Variants in RHOD observed in about 807,000 individuals in gnomAD.
RHOD encodes rho-related GTP-binding protein RhoD.
RHOD carries 11 observed loss-of-function variants against 16.7 expected under a neutral mutation model. The ratio of observed to expected loss-of-function variants is 0.66; its 90% CI spans 0.41 to 1.09. The LOEUF is 1.09. Ranked by LOEUF, RHOD falls within the 50% of genes least tolerant of loss-of-function variation. The pLI, the probability that RHOD is intolerant of heterozygous loss-of-function variation, is 0.00. For synonymous variants in RHOD, 124 were observed against 126.3 expected (o/e 0.98, Z 0.12); for missense variants, 271 against 291.7 (o/e 0.93, Z 0.52).
intron 2 of RHOD, 130 bp from the exon 3 acceptor site, chr11:67,066,608 A>C: frequency 2.8e-6 from 2 of 709,178 alleles, no homozygotes; most frequent in Non-Finnish European, 5.0e-6. Context: ...AATTTGTGCC[A>C]AACTCTGAGG....
rs199652411 is a variant in RHOD, at chr11:67,061,840, G to GTATA, written c.133-4055_133-4054insATAT. On this transcript the variant is annotated intron_variant, in intron 1 of 4. Transcript: ENST00000308831. The stretch of plus-strand genomic sequence containing the variant: ...TATATATGTGTGTGTGTGTGTGTGT[G>GTATA]TGTGTATATATATATTAGCCAGGCG... Among the ~76,000 whole-genome samples, 22 of 141,870 alleles carry GTATA rather than the reference G, an allele frequency of 1.6e-4. No homozygotes were observed. The Admixed American group carries it at 1.6e-3, about 11-fold the overall frequency. 93.1% of individuals were successfully genotyped at this position (141,870 alleles called of 152,430 possible).
chr11:67,064,363 C>G (rs1000605759), intron 1 of RHOD, among the ~76,000 whole-genome samples: 5 of 150,070 alleles, frequency 3.3e-5, no homozygotes, highest in African/African-American at 1.2e-4. Flanking sequence ...CCAGATCACG[C>G]CATTGCACTG....
chr11:67,057,154 C>G (rs1212808261), intron 1 of RHOD, 120 bp downstream of exon 1: 3 of 1,224,364 alleles, frequency 2.5e-6, no homozygotes, highest in Non-Finnish European at 3.2e-6. Flanking sequence ...CCCAGCGGGG[C>G]CTGGGGTCCA....
chr11:67,058,531 G>A (rs1219418348), intron 1 of RHOD, among the ~76,000 whole-genome samples: 1 of 151,894 alleles, frequency 6.6e-6, no homozygotes, highest in Non-Finnish European at 1.5e-5. Context: ...GGCTGGTCTC[G>A]AACTCCTGGC....
At chr11:67,058,204 T>A (rs1854842365) in intron 1 of RHOD, among the ~76,000 whole-genome samples, 1 of 151,920 alleles carries the variant, frequency 6.6e-6, no homozygotes, top group African/African-American at 2.4e-5. Context: ...TGAGACGGAG[T>A]CTCGCTCTGT....
Position 67,065,902 on chromosome 11 carries a change from A to G in RHOD, c.139A>G (p.Thr47Ala). 6.6e-7 allele frequency: 1 copy of G among 1,522,318 alleles called. No homozygotes were observed. The highest frequency in any genetic ancestry group is 1.1e-5 in the South Asian group (1 of 89,926). 94.3% of individuals were successfully genotyped at this position (1,522,318 alleles called of 1,614,324 possible). The change falls in exon 2 of 5, where the codon ACC becomes GCC. Residue 47 changes from threonine to alanine, a missense_variant. Thr to Ala is a moderately conservative substitution (Grantham distance 58). Coordinates refer to ENST00000308831, the MANE Select transcript of RHOD (RefSeq NM_014578.4). ...FADGAFPESYTPTVFERYMVN... is the reference protein window; with the variant it reads ...FADGAFPESYAPTVFERYMVN... ...CCGCCCTGCTTCTCCTCAGAGCTAC[A>G]CCCCCACGGTGTTTGAGCGGTACAT...
At chr11:67,068,981 GTTTT>G (rs917001248) in intron 3 of RHOD, among the ~76,000 whole-genome samples, 3 of 151,698 alleles carry the variant, frequency 2.0e-5, no homozygotes, top group African/African-American at 7.3e-5. Flanking sequence ...TTGTTTGTTT[GTTTT>G]GAGACAGAGT....
rs538271403 is a variant in RHOD, at chr11:67,071,398, C to T, written c.466-37C>T. On this transcript the variant is annotated intron_variant, in intron 4 of 4. Transcript: ENST00000308831. ...GCGAGAACGTGAGGCCTGCCCAGTG[C>T]CCCCTTCACCGCAGCCCCATCCACC... The T allele has an allele frequency of 2.6e-6, 4 of 1,539,830 alleles. No homozygotes were observed. The South Asian group carries it at 3.6e-5, about 14-fold the overall frequency.
rs1245182178 is a variant in RHOD at position 67,065,956 on chromosome 11, G to A, written c.193G>A (p.Val65Met). 1 of 1,613,360 alleles carries A rather than the reference G, an allele frequency of 6.2e-7. No homozygotes were observed. The highest frequency in any genetic ancestry group is 1.1e-5 in the South Asian group (1 of 91,072). The stretch of plus-strand genomic sequence containing the variant: ...CAACCTGCAAGTGAAAGGCAAACCT[G>A]TGCACCTCCACATCTGGGACACAGC... ...MVNLQVKGKP[V>M]HLHIWDTAGQ... Residue 65 changes from valine (V) to methionine (M), a missense_variant, in exon 2 of 5, where the codon GTG becomes ATG. Physicochemically the swap from Val to Met is conservative, Grantham distance 21. Coordinates refer to ENST00000308831, the MANE Select transcript of RHOD (RefSeq NM_014578.4).
At position 67,071,627 on chromosome 11, in the gene RHOD, C is replaced by T. The variant is rs376469303; in HGVS notation, c.*25C>T. The T allele has an allele frequency of 3.2e-6, 5 of 1,565,816 alleles. No individual in the cohort carries two copies. The highest frequency in any genetic ancestry group is 1.8e-5 in the Admixed American group (1 of 54,754). On this transcript the variant is annotated 3_prime_UTR_variant, in exon 5 of 5. Coordinates refer to ENST00000308831, the MANE Select transcript of RHOD (RefSeq NM_014578.4). Reference sequence around the variant, plus strand: ...AGCGGCTCGGGGCGTCCCAGCGACGCGGGAAGGGGCAGGGCGCTGACCTGC... The same window carrying T: ...AGCGGCTCGGGGCGTCCCAGCGACGTGGGAAGGGGCAGGGCGCTGACCTGC...
At chr11:67,071,086 T>A (rs936312842) in intron 4 of RHOD, among the ~76,000 whole-genome samples, 7 of 151,762 alleles carry the variant, frequency 4.6e-5, no homozygotes, top group African/African-American at 1.7e-4. Context: ...TACAAAAAAT[T>A]AGCCAAGTGG....
intron 3 of RHOD, among the ~76,000 whole-genome samples, chr11:67,068,008 C>T (rs1854980019): frequency 6.6e-6 from 1 of 152,010 alleles, no homozygotes; most frequent in Non-Finnish European, 1.5e-5. Flanking sequence ...ACCATGTTAG[C>T]CAGGATGGTC....
chr11:67,066,603 G>A (rs1390731755), intron 2 of RHOD, 135 bp from the exon 3 acceptor site: 1 of 688,764 alleles, frequency 1.5e-6, no homozygotes, highest in Non-Finnish European at 2.6e-6. Flanking sequence ...AGCCAAATTT[G>A]TGCCAAACTC....
Position 67,065,967 on chromosome 11 carries a change from C to A in RHOD, c.204C>A (p.His68Gln), listed in dbSNP as rs778562327. 2.1e-6 allele frequency: 3 copies of A among 1,445,990 alleles called. No homozygotes were observed. The highest frequency in any genetic ancestry group is 2.8e-6 in the Non-Finnish European group (3 of 1,055,434). The allele number at this position is 1,445,990 out of a possible 1,614,324, so 89.6% of individuals were successfully genotyped here. A position where few individuals can be genotyped will look rare whatever the true frequency, so the allele number is the denominator to read the frequency against. ...TGAAAGGCAAACCTGTGCACCTCCA[C>A]ATCTGGGACACAGCAGGTGGGTGTG... is the stretch of plus-strand genomic sequence containing the variant. Reference protein sequence around the residue: ...LQVKGKPVHLHIWDTAGQDDY... With the variant: ...LQVKGKPVHLQIWDTAGQDDY... The change falls in exon 2 of 5, where the codon CAC (histidine) becomes CAA (glutamine). Residue 68 changes from histidine to glutamine, a missense_variant. His to Gln is a conservative substitution (Grantham distance 24). Transcript: ENST00000308831.
At chr11:67,062,561 C>G (rs1854905893) in intron 1 of RHOD, among the ~76,000 whole-genome samples, 1 of 152,270 alleles carries the variant, frequency 6.6e-6, no homozygotes, top group East Asian at 1.9e-4. Flanking sequence ...CAAGGCTATC[C>G]AGACTTCTCC....
At chr11:67,060,962 A>G (rs1218296111) in intron 1 of RHOD, among the ~76,000 whole-genome samples, 2 of 152,252 alleles carry the variant, frequency 1.3e-5, no homozygotes, top group Non-Finnish European at 2.9e-5. Context: ...CAAAGGTCAG[A>G]AGCTGCGGAG....
intron 1 of RHOD, among the ~76,000 whole-genome samples, chr11:67,058,360 TAG>T (rs1159529866): frequency 6.6e-6 from 1 of 152,152 alleles, no homozygotes; most frequent in African/African-American, 2.4e-5. Flanking sequence ...ATATTTTTAG[TAG>T]AGACAGGGTT....
At chr11:67,065,823 G>T (rs1387449810) in intron 1 of RHOD, 73 bp from the exon 2 acceptor site, 1 of 970,530 alleles carries the variant, frequency 1.0e-6, no homozygotes. Context: ...AGGGAGCAGC[G>T]CTGTGGACAG....
chr11:67,069,755 C>T (rs1332404394), intron 3 of RHOD, among the ~76,000 whole-genome samples: 2 of 151,996 alleles, frequency 1.3e-5, no homozygotes, highest in African/African-American at 4.8e-5. Flanking sequence ...TGCAGTGGCG[C>T]GATCTCAGCT....
Sources: allele counts gnomAD v4.1 joint callset (sites outside exome capture counted in the v4.1 genomes callset), GRCh38; gene constraint gnomAD v4.1.1; transcripts MANE v1.5; gene names NCBI Gene and HGNC (gene_info 2026-07-23, HGNC 2026-07-21).